Variants in TANK observed in about 807,000 individuals in gnomAD.
TANK encodes TRAF family member-associated NF-kappa-B activator.
TANK carries 15 observed loss-of-function variants against 43.6 expected under a neutral mutation model. The observed-to-expected ratio is 0.34, with a 90% CI of 0.23 to 0.53. The LOEUF (loss-of-function observed/expected upper bound fraction) is 0.53. Among genes scored for constraint, TANK ranks in the 20% least tolerant of loss-of-function variants. TANK has a pLI of 0.94. For missense variants in TANK, 417 were observed against 498.6 expected (o/e 0.84, Z 1.56); for synonymous variants, 162 against 178.2 (o/e 0.91, Z 0.73).
In TANK at chr2:161,235,404, A is replaced by G. The variant is rs1688131681; in HGVS notation, c.1164A>G (p.Ser388=). 2 of 1,613,666 alleles carry G rather than the reference A, an allele frequency of 1.2e-6. No individual in the cohort carries two copies. Among genetic ancestry groups the G allele is most frequent in the African/African-American group, 1.3e-5 (1 of 75,026 alleles). The change falls in exon 8 of 8, where the codon TCA becomes TCG. Residue 388 remains serine, a synonymous_variant. Coordinates refer to ENST00000392749, the MANE Select transcript of TANK (RefSeq NM_001199135.3). The part of the protein sequence containing the change: ...SDSVVLSGTD[S]ELHIPRVCEF... The stretch of plus-strand genomic sequence containing the variant: ...CGGTGGTACTAAGTGGCACAGACTC[A>G]GAACTGCATATACCTCGAGTATGTG...
intron 1 of TANK, chr2:161,161,698 ATGT>A: frequency 2.5e-6 from 1 of 403,584 alleles, no homozygotes; most frequent in East Asian, 4.8e-5. Context: ...TTTTATTGTA[ATGT>A]TGGCGTGGTA....
intron 2 of TANK, among the ~76,000 whole-genome samples, chr2:161,180,910 T>TG (rs1207521258): frequency 6.6e-6 from 1 of 151,868 alleles, no homozygotes; most frequent in Non-Finnish European, 1.5e-5. Flanking sequence ...GGGTTTTTTT[T>TG]TTTTTTTTTG....
At chr2:161,207,954 A>G (rs1686721285) in intron 4 of TANK, 1 of 928,636 alleles carries the variant, frequency 1.1e-6, no homozygotes, top group African/African-American at 1.8e-5. Context: ...TCTAGAAATC[A>G]CATTCCCAAT....
intron 1 of TANK, among the ~76,000 whole-genome samples, chr2:161,178,414 T>C (rs1053153978): frequency 6.6e-6 from 1 of 151,956 alleles, no homozygotes; most frequent in Non-Finnish European, 1.5e-5. Context: ...AACCATGTAT[T>C]GTATTATTCC....
intron 7 of TANK, among the ~76,000 whole-genome samples, chr2:161,233,708 TG>T (rs1296686158): frequency 1.3e-5 from 2 of 152,026 alleles, no homozygotes; most frequent in Non-Finnish European, 2.9e-5. Flanking sequence ...ATAGGTAAAT[TG>T]GGAGTAGAAG....
chr2:161,190,988 A>G (rs1685890811), intron 2 of TANK, among the ~76,000 whole-genome samples: 1 of 152,202 alleles, frequency 6.6e-6, no homozygotes, highest in African/African-American at 2.4e-5. Context: ...TAATCTTAGT[A>G]GCCATGTTTT....
chr2:161,232,715 T>C lies in TANK; in HGVS notation c.1101+1164T>C, dbSNP rs1244810223. On this transcript the variant is annotated intron_variant, in intron 7 of 7. Transcript: ENST00000392749. The stretch of plus-strand genomic sequence containing the variant: ...TTACTTTTTTCTCTATTATATGTCT[T>C]GCTTGTTCTTTTACTAGTCTGTGCA... 2.6e-6 allele frequency: 4 copies of C among 1,546,992 alleles called. No individual in the cohort carries two copies. In the South Asian group the frequency reaches 4.8e-5, roughly 19 times the overall value.
chr2:161,211,875 G>C (rs950280231), intron 4 of TANK: 2 of 984,820 alleles, frequency 2.0e-6, no homozygotes, highest in African/African-American at 3.5e-5. Context: ...CGCTTCTCCT[G>C]GTTTTCTTTC....
intron 1 of TANK, among the ~76,000 whole-genome samples, chr2:161,178,192 C>T (rs1685253534): frequency 6.6e-6 from 1 of 152,006 alleles, no homozygotes; most frequent in Non-Finnish European, 1.5e-5. Context: ...AACGTGTTCA[C>T]ACAAAAATGT....
intron 1 of TANK, among the ~76,000 whole-genome samples, chr2:161,140,764 A>G (rs1410925383): frequency 6.6e-6 from 1 of 152,002 alleles, no homozygotes; most frequent in Non-Finnish European, 1.5e-5. Context: ...TAAAGTTTTT[A>G]ATTGAAGTTT....
rs2105206740 is a variant in TANK, at chr2:161,139,442, C to T, written c.-50+2379C>T. On this transcript the variant is annotated intron_variant, in intron 1 of 7. Coordinates refer to the TANK transcript ENST00000259075. ...GTCTTTTTGATATCATTAGAGACAA[C>T]TGTATGGTTTTTCTACTTCAAACTG... 2.0e-5 allele frequency among the ~76,000 whole-genome samples: 3 copies of T among 152,124 alleles called. 1 individual carries two copies. The East Asian group carries it at 5.8e-4, about 29-fold the overall frequency.
chr2:161,173,507 T>C (rs1433112680), intron 1 of TANK, among the ~76,000 whole-genome samples: 1 of 152,170 alleles, frequency 6.6e-6, no homozygotes, highest in South Asian at 2.1e-4. Context: ...TACCTTTTAC[T>C]TAACAGTTTT....
intron 1 of TANK, among the ~76,000 whole-genome samples, chr2:161,178,317 T>C (rs1291454284): frequency 6.6e-6 from 1 of 152,148 alleles, no homozygotes; most frequent in East Asian, 1.9e-4. Flanking sequence ...GGAATATTAT[T>C]TAGCCATAAA....
chr2:161,204,717 CA>C lies in TANK; in HGVS notation c.253del (p.Arg85GlufsTer5). On this transcript the variant is annotated frameshift_variant, in exon 4 of 8. Coordinates refer to ENST00000392749, the MANE Select transcript of TANK (RefSeq NM_001199135.3). LOFTEE classifies it high-confidence loss of function. Reference protein sequence around the residue: ...GCVPLLEDSETRKNNLTLDQP... With the variant: ...GCVPLLEDSEXRKNNLTLDQP... Reference sequence around the variant, plus strand: ...GTTCCTCTGCTTGAAGACAGTGAAACAAGAAAGAATAATTTGACTCTTGATC... The same window carrying C: ...GTTCCTCTGCTTGAAGACAGTGAAACAGAAAGAATAATTTGACTCTTGATC... 6.2e-7 allele frequency: 1 copy of C among 1,608,736 alleles called. No individual in the cohort carries two copies. Among genetic ancestry groups the C allele is most frequent in the Non-Finnish European group, 8.5e-7 (1 of 1,178,092 alleles).
chr2:161,212,613 A>C (rs1686940935), intron 4 of TANK: 15 of 985,298 alleles, frequency 1.5e-5, no homozygotes, highest in Non-Finnish European at 1.8e-5. Flanking sequence ...TGTCTTTCCT[A>C]ACTTAGAAGC....
chr2:161,215,051 G>A (rs537031536), intron 4 of TANK, among the ~76,000 whole-genome samples: 44 of 152,194 alleles, frequency 2.9e-4, no homozygotes, highest in African/African-American at 7.2e-4. Context: ...AAAAGGCTCC[G>A]GTAAAGAACA....
intron 7 of TANK, among the ~76,000 whole-genome samples, chr2:161,231,907 ATAGT>A: frequency 6.6e-6 from 1 of 152,212 alleles, no homozygotes; most frequent in Non-Finnish European, 1.5e-5. Flanking sequence ...GTTTTATTTA[ATAGT>A]TTGTGTATAT....
intron 1 of TANK, among the ~76,000 whole-genome samples, chr2:161,138,507 G>A (rs1205699402): frequency 6.6e-6 from 1 of 152,160 alleles, no homozygotes; most frequent in Non-Finnish European, 1.5e-5. Context: ...GTCATTTTTA[G>A]AAGCTAGGTC....
intron 1 of TANK, among the ~76,000 whole-genome samples, chr2:161,170,993 T>A (rs1684917649): frequency 1.3e-5 from 2 of 152,230 alleles, no homozygotes; most frequent in South Asian, 4.1e-4. Flanking sequence ...TATTTTATAG[T>A]GTCTTTTTAT....
Sources: gnomAD v4.1 joint callset for allele counts (sites outside exome capture counted in the v4.1 genomes callset) on GRCh38, gnomAD v4.1.1 for gene constraint, MANE v1.5 for transcripts, NCBI Gene and HGNC (gene_info 2026-07-23, HGNC 2026-07-21) for gene names.